Variants in WAPL observed in about 807,000 individuals in gnomAD.
The protein encoded by WAPL is wings apart-like protein homolog.
In WAPL, 5 loss-of-function variants were observed where a neutral mutation model predicts 121.0. That is an observed-to-expected ratio of 0.04 (90% CI 0.02 to 0.09). WAPL has a LOEUF of 0.09. WAPL is among the 10% of genes least tolerant of loss of function. WAPL has a pLI of 1.00. For missense variants in WAPL, 999 were observed against 1,410.8 expected (o/e 0.71, Z 4.68); for synonymous variants, 480 against 481.5 (o/e 1.00, Z 0.04).
At chr10:86,439,725 G>A (rs1490333231) in intron 17 of WAPL, among the ~76,000 whole-genome samples, 1 of 152,206 alleles carries the variant, frequency 6.6e-6, no homozygotes, top group African/African-American at 2.4e-5. Flanking sequence ...ACTGGGCAAG[G>A]AGCTACGTGA....
At chr10:86,503,510 T>C (rs970243494) in intron 2 of WAPL, among the ~76,000 whole-genome samples, 1 of 152,240 alleles carries the variant, frequency 6.6e-6, no homozygotes, top group Middle Eastern at 3.4e-3. Flanking sequence ...CCCAGCACTT[T>C]GGGAGGCCGA....
intron 15 of WAPL, among the ~76,000 whole-genome samples, chr10:86,451,401 T>G (rs1258151574): frequency 1.3e-5 from 2 of 152,132 alleles, no homozygotes; most frequent in Non-Finnish European, 2.9e-5. Flanking sequence ...CCTTTTTTTT[T>G]TTTTGGAGAC....
intron 4 of WAPL, among the ~76,000 whole-genome samples, chr10:86,489,200 A>C (rs561478689): frequency 6.6e-5 from 10 of 152,344 alleles, no homozygotes; most frequent in African/African-American, 1.9e-4. Context: ...ACACTGAAGG[A>C]GAGTAGAGAC....
chr10:86,450,569 T>C (rs560159088), intron 15 of WAPL, among the ~76,000 whole-genome samples: 1 of 152,300 alleles, frequency 6.6e-6, no homozygotes, highest in South Asian at 2.1e-4. Context: ...AAATAAATGT[T>C]GTCAATGGGA....
chr10:86,449,106 G>A (rs1417364952), intron 15 of WAPL, among the ~76,000 whole-genome samples: 1 of 152,150 alleles, frequency 6.6e-6, no homozygotes, highest in Non-Finnish European at 1.5e-5. Context: ...CCATAAATAG[G>A]TAAGAAAAGA....
intron 4 of WAPL, among the ~76,000 whole-genome samples, chr10:86,478,778 G>A (rs1841718704): frequency 6.6e-6 from 1 of 152,094 alleles, no homozygotes; most frequent in East Asian, 1.9e-4. Context: ...TTAACAGACT[G>A]GATTACTGAA....
At chr10:86,496,893 G>A (rs551886179) in intron 4 of WAPL, among the ~76,000 whole-genome samples, 3 of 150,288 alleles carry the variant, frequency 2.0e-5, no homozygotes, top group African/African-American at 7.4e-5. Flanking sequence ...CAGTGGGGGA[G>A]GAAGTTATTG....
chr10:86,511,465 A>C (rs575531788), intron 2 of WAPL, among the ~76,000 whole-genome samples: 2 of 152,240 alleles, frequency 1.3e-5, no homozygotes, highest in Non-Finnish European at 2.9e-5. Flanking sequence ...TCTCATTCAC[A>C]TCAGAATACA....
chr10:86,483,784 ATTTTTTTTTC>A (rs1841855742), intron 4 of WAPL, among the ~76,000 whole-genome samples: 2 of 131,368 alleles, frequency 1.5e-5, no homozygotes, highest in African/African-American at 5.8e-5. Context: ...AAAAAAAAAA[ATTTTTTTTTC>A]TTTTTTTTTT....
At chr10:86,497,642 T>C (rs1479487039) in intron 3 of WAPL, among the ~76,000 whole-genome samples, 1 of 152,206 alleles carries the variant, frequency 6.6e-6, no homozygotes, top group Non-Finnish European at 1.5e-5. Context: ...CTGCTGGATA[T>C]CCATGGATAC....
chr10:86,471,123 G>T lies in WAPL; in HGVS notation c.2031-20C>A, dbSNP rs754254510. On this transcript the variant is annotated intron_variant, in intron 7 of 18. Transcript: ENST00000298767. The stretch of plus-strand genomic sequence containing the variant: ...ATAACACTACAAGAAAATAGAGCAG[G>T]TTAGGGGGGCTGGAAACAGCTAGTA... The T allele has an allele frequency of 2.5e-6, 4 of 1,605,052 alleles. No individual in the cohort carries two copies. The highest frequency in any genetic ancestry group is 3.3e-5 in the Admixed American group (2 of 59,852).
chr10:86,482,054 C>T (rs538981643), intron 4 of WAPL, among the ~76,000 whole-genome samples: 48 of 152,290 alleles, frequency 3.2e-4, no homozygotes, highest in African/African-American at 7.9e-4. Context: ...TTTATACCCT[C>T]AATCTTGGGC....
At chr10:86,453,017 C>CAAAAAAAAAAA (rs34469657) in intron 14 of WAPL, among the ~76,000 whole-genome samples, 1 of 58,282 alleles carries the variant, frequency 1.7e-5, no homozygotes, top group Non-Finnish European at 3.4e-5. Flanking sequence ...CTCCATCTCC[C>CAAAAAAAAAAA]AAAAAAAAAA....
intron 2 of WAPL, among the ~76,000 whole-genome samples, chr10:86,512,341 G>A (rs1842480238): frequency 6.6e-6 from 1 of 152,224 alleles, no homozygotes; most frequent in Non-Finnish European, 1.5e-5. Flanking sequence ...CTATGCTGTA[G>A]TTATCTCAAT....
chr10:86,439,067 C>CA (rs1849397228), intron 17 of WAPL, among the ~76,000 whole-genome samples: 2 of 151,948 alleles, frequency 1.3e-5, no homozygotes, highest in African/African-American at 2.4e-5. Context: ...CAAAACCAAC[C>CA]AAAAAACAAA....
chr10:86,509,960 T>C lies in WAPL; in HGVS notation c.499+7611A>G, dbSNP rs184451823. On this transcript the variant is annotated intron_variant, in intron 2 of 18. Coordinates refer to ENST00000298767, the MANE Select transcript of WAPL (RefSeq NM_015045.5). ...TTGTTATTTTTAGTAAAGACCGGGT[T>C]TTACCATGTTGGCCAGGCTGGTCTC... 2.6e-4 allele frequency among the ~76,000 whole-genome samples: 40 copies of C among 151,112 alleles called. No individual in the cohort carries two copies. In the East Asian group the frequency reaches 5.7e-3, roughly 21 times the overall value.
At chr10:86,518,191 G>A (rs1842597911) in intron 1 of WAPL, 100 bp from the exon 2 acceptor site, 2 of 1,164,688 alleles carry the variant, frequency 1.7e-6, no homozygotes, top group Admixed American at 5.8e-5. Flanking sequence ...CATGACTTTT[G>A]ACACTCACCA....
At chr10:86,511,156 T>G (rs1842457174) in intron 2 of WAPL, among the ~76,000 whole-genome samples, 2 of 152,170 alleles carry the variant, frequency 1.3e-5, no homozygotes, top group Admixed American at 1.3e-4. Flanking sequence ...AGAAAATTAC[T>G]TAAGCCAGGT....
chr10:86,521,068 T>C (rs1257415043), intron 1 of WAPL, among the ~76,000 whole-genome samples: 1 of 152,030 alleles, frequency 6.6e-6, no homozygotes, highest in African/African-American at 2.4e-5. Flanking sequence ...CTTAAGGCAG[T>C]GCAAGGCCCC....
Sources: gnomAD v4.1 joint callset for allele counts (sites outside exome capture counted in the v4.1 genomes callset) on GRCh38, gnomAD v4.1.1 for gene constraint, MANE v1.5 for transcripts, NCBI Gene and HGNC (gene_info 2026-07-23, HGNC 2026-07-21) for gene names.